RNF115: variants seen among roughly 807,000 people sequenced by gnomAD.
The protein encoded by RNF115 is E3 ubiquitin-protein ligase RNF115.
RNF115 carries 31 observed loss-of-function variants against 39.2 expected under a neutral mutation model. That is an observed-to-expected ratio of 0.79 (90% confidence interval 0.59 to 1.07). The LOEUF (loss-of-function observed/expected upper bound fraction) is 1.07. RNF115 is among the 50% of genes least tolerant of loss of function. The pLI is 0.00. For synonymous variants in RNF115, 124 were observed against 131.0 expected (o/e 0.95, Z 0.37); for missense variants, 384 against 381.7 (o/e 1.01, Z -0.05).
intron 1 of RNF115, 105 bp from the exon 2 acceptor site, chr1:145,789,071 T>G: frequency 1.4e-6 from 1 of 712,210 alleles, no homozygotes; most frequent in Non-Finnish European, 2.4e-6. Context: ...CTCTGAAATG[T>G]TCTATGTACT....
At chr1:145,789,218 T>G (rs587772836) in intron 1 of RNF115, among the ~76,000 whole-genome samples, 1 of 152,130 alleles carries the variant, frequency 6.6e-6, no homozygotes, top group Non-Finnish European at 1.5e-5. Context: ...TCCTCCTGCC[T>G]TAGCCTTCAG....
chr1:145,780,153 A>G (rs1377480779), intron 3 of RNF115, among the ~76,000 whole-genome samples: 3 of 151,996 alleles, frequency 2.0e-5, no homozygotes, highest in South Asian at 2.1e-4. Context: ...ACTAGAACCC[A>G]GGAGGCAGAG....
At position 145,750,390 on chromosome 1, in the gene RNF115, T is replaced by C; in HGVS notation, c.667+17A>G. The stretch of plus-strand genomic sequence containing the variant: ...CGAGATCAGAAGATGACAGAATAAG[T>C]ATAAAAATGAACCTACCAACTTGTT... On this transcript the variant is annotated intron_variant, in intron 7 of 8. Transcript: ENST00000582693. 6.4e-7 allele frequency: 1 copy of C among 1,571,036 alleles called. No homozygotes were observed. Among genetic ancestry groups the C allele is most frequent in the South Asian group, 1.1e-5 (1 of 89,974 alleles).
chr1:145,774,799 T>C (rs915905175), intron 3 of RNF115, among the ~76,000 whole-genome samples: 1 of 152,218 alleles, frequency 6.6e-6, no homozygotes, highest in Non-Finnish European at 1.5e-5. Flanking sequence ...TCCATTTTCC[T>C]ATTGAACTGA....
At chr1:145,749,128 C>T (rs371007957) in intron 7 of RNF115, among the ~76,000 whole-genome samples, 6 of 152,242 alleles carry the variant, frequency 3.9e-5, no homozygotes, top group East Asian at 1.9e-4. Flanking sequence ...CTAGTCTATA[C>T]GCCTAGTGGC....
At chr1:145,791,411 CT>C (rs1378139462) in intron 1 of RNF115, among the ~76,000 whole-genome samples, 4 of 150,464 alleles carry the variant, frequency 2.7e-5, no homozygotes, top group African/African-American at 9.8e-5. Flanking sequence ...ACTCGAGAGG[CT>C]AAGGCAGGAG....
chr1:145,798,388 A>G (rs1357859566), intron 1 of RNF115, among the ~76,000 whole-genome samples: 2 of 152,090 alleles, frequency 1.3e-5, no homozygotes, highest in Non-Finnish European at 2.9e-5. Flanking sequence ...TTTGTATGTG[A>G]AAGTCCAGTT....
At chr1:145,772,191 C>T in intron 3 of RNF115, 1 of 288,182 alleles carries the variant, frequency 3.5e-6, no homozygotes, top group Non-Finnish European at 6.5e-6. Context: ...TGTGCCACAT[C>T]CTGGCAAGCA....
intron 2 of RNF115, chr1:145,788,646 G>C (rs1553718453): frequency 3.4e-6 from 2 of 596,738 alleles, no homozygotes; most frequent in African/African-American, 3.6e-5. Flanking sequence ...GATGTACATG[G>C]AATGCCACAT....
chr1:145,771,765 C>T lies in RNF115; in HGVS notation c.374G>A (p.Arg125Gln), dbSNP rs148749353. Reference sequence around the variant, plus strand: ...AGAACTTCCTCGAGATCTGTATCTCCGACCCAATGGCAACCGTGGAGGTCT... The same window carrying T: ...AGAACTTCCTCGAGATCTGTATCTCTGACCCAATGGCAACCGTGGAGGTCT... ...GARPPRLPLG[R>Q]RYRSRGSSRP... Residue 125 changes from arginine (R) to glutamine (Q), a missense_variant, in exon 4 of 9, where the codon CGG (arginine) becomes CAG (glutamine). By Grantham distance (43) the Arg-to-Gln change is conservative. Transcript: ENST00000582693. 34 of 1,614,026 alleles carry T rather than the reference C, an allele frequency of 2.1e-5. No homozygotes were observed. The highest frequency in any genetic ancestry group is 6.7e-5 in the East Asian group (3 of 44,894).
chr1:145,761,142 T>C (rs1276938066), intron 4 of RNF115, among the ~76,000 whole-genome samples: 3 of 152,200 alleles, frequency 2.0e-5, no homozygotes, highest in Non-Finnish European at 2.9e-5. Flanking sequence ...TTGGGTGCTG[T>C]TAACCAGTTT....
chr1:145,777,524 C>G (rs979770335), intron 3 of RNF115, among the ~76,000 whole-genome samples: 7 of 151,978 alleles, frequency 4.6e-5, no homozygotes, highest in African/African-American at 1.7e-4. Flanking sequence ...GATGGAAAAG[C>G]ACACCTCACA....
intron 1 of RNF115, among the ~76,000 whole-genome samples, chr1:145,794,623 C>T (rs587684624): frequency 6.7e-6 from 1 of 149,510 alleles, no homozygotes; most frequent in Non-Finnish European, 1.5e-5. Flanking sequence ...GTCCCAGTCA[C>T]GGTTCTGTGT....
At chr1:145,818,196 C>T (rs1358393661) in intron 1 of RNF115, among the ~76,000 whole-genome samples, 3 of 152,040 alleles carry the variant, frequency 2.0e-5, no homozygotes, top group Non-Finnish European at 4.4e-5. Flanking sequence ...AGTGGCTGAA[C>T]TAATTTACAT....
Position 145,793,626 on chromosome 1 carries a change from T to TCACA in RNF115, c.103-4664_103-4661dup, listed in dbSNP as rs34785428. 7.3e-3 allele frequency among the ~76,000 whole-genome samples: 1,099 copies of TCACA among 150,060 alleles called. 9 individuals are homozygous for TCACA. The highest frequency in any genetic ancestry group is 0.021 in the African/African-American group (862 of 40,738). On this transcript the variant is annotated intron_variant, in intron 1 of 8. Transcript: ENST00000582693. Reference sequence around the variant, plus strand: ...TGTATGCTCTCTCACATGCTTTTTCTCACACACACACACACACCCTCGAGA... The same window carrying TCACA: ...TGTATGCTCTCTCACATGCTTTTTCTCACACACACACACACACACACCCTCGAGA...
chr1:145,744,110 TC>T lies in RNF115; in HGVS notation c.*2755del, dbSNP rs1657784747. ...AAGGTACTCAGATCCTTTCTAGTTC[TC>T]TAGGCATTGGTTCTCTATCTGTACG... On this transcript the variant is annotated 3_prime_UTR_variant, in exon 9 of 9. Coordinates refer to ENST00000582693, the MANE Select transcript of RNF115 (RefSeq NM_014455.4). 1 of 152,358 alleles carries T rather than the reference TC, an allele frequency of 6.6e-6. No homozygotes were observed. The highest frequency in any genetic ancestry group is 2.4e-5 in the African/African-American group (1 of 41,476). The allele number at this position is 152,358 out of a possible 1,614,324, so 9.4% of individuals were successfully genotyped here. A position where few individuals can be genotyped will look rare whatever the true frequency, so the allele number is the denominator to read the frequency against.
At chr1:145,764,598 G>T (rs587666231) in intron 4 of RNF115, among the ~76,000 whole-genome samples, 130 of 150,474 alleles carry the variant, frequency 8.6e-4, no homozygotes, top group African/African-American at 3.1e-3. Flanking sequence ...GATCCCCTCC[G>T]CCCGGCAGCC....
In RNF115 at chr1:145,743,930, G is replaced by T; in HGVS notation, c.*2936C>A. The T allele has an allele frequency of 6.6e-6, 1 of 152,420 alleles. No homozygotes were observed. The highest frequency in any genetic ancestry group is 1.9e-4 in the East Asian group (1 of 5,312). The allele number at this position is 152,420 out of a possible 1,614,324, so 9.4% of individuals were successfully genotyped here. A position where few individuals can be genotyped will look rare whatever the true frequency, so the allele number is the denominator to read the frequency against. ...GAAACACAACAGATCCATTAAGTGG[G>T]ACAGGTCTGGGAAACAGTAAAATGA... is the stretch of plus-strand genomic sequence containing the variant. On this transcript the variant is annotated 3_prime_UTR_variant, in exon 9 of 9. Transcript: ENST00000582693.
At chr1:145,769,462 TACTGC>T (rs1402060880) in intron 4 of RNF115, among the ~76,000 whole-genome samples, 1 of 152,168 alleles carries the variant, frequency 6.6e-6, no homozygotes, top group African/African-American at 2.4e-5. Flanking sequence ...ATAAAACCGA[TACTGC>T]ACTAGAAGCT....
Sources: allele counts gnomAD v4.1 joint callset (sites outside exome capture counted in the v4.1 genomes callset), GRCh38; gene constraint gnomAD v4.1.1; transcripts MANE v1.5; gene names NCBI Gene and HGNC (gene_info 2026-07-23, HGNC 2026-07-21).